Variants in IGF1R observed in about 807,000 individuals in gnomAD.
The protein encoded by IGF1R is insulin-like growth factor 1 receptor.
In IGF1R, 44 loss-of-function variants were observed where a neutral mutation model predicts 144.6. That is an observed-to-expected ratio of 0.30 (90% CI 0.24 to 0.39). The LOEUF is 0.39. Ranked by LOEUF, IGF1R falls within the 10% of genes least tolerant of loss-of-function variation. The pLI, the probability that IGF1R is intolerant of heterozygous loss-of-function variation, is 1.00. For missense variants in IGF1R, 1,355 were observed against 1,833.7 expected (o/e 0.74, Z 4.77); for synonymous variants, 795 against 722.8 (o/e 1.10, Z -1.60).
rs868562409 is a variant in IGF1R, at chr15:98,962,317, G to A, written c.*4875G>A. On this transcript the variant is annotated 3_prime_UTR_variant, in exon 21 of 21. Coordinates refer to ENST00000650285, the MANE Select transcript of IGF1R (RefSeq NM_000875.5). ...GTTATGCATTTCAAGTTTGGGGTTT[G>A]TTCTTTTCGTTAATGTTCCTCTGTG... 6 of 233,316 alleles carry A rather than the reference G, an allele frequency of 2.6e-5. No individual in the cohort carries two copies. Among genetic ancestry groups the A allele is most frequent in the Non-Finnish European group, 3.4e-5 (4 of 118,132 alleles). The allele number at this position is 233,316 out of a possible 1,614,324, so 14.5% of individuals were successfully genotyped here. A position where few individuals can be genotyped will look rare whatever the true frequency, so the allele number is the denominator to read the frequency against.
chr15:98,681,479 A>C (rs1221270584), intron 1 of IGF1R, among the ~76,000 whole-genome samples: 1 of 152,212 alleles, frequency 6.6e-6, no homozygotes. Flanking sequence ...TCCAAGGAGT[A>C]GTTCAAGGAT....
chr15:98,792,283 G>C (rs1225138224), intron 2 of IGF1R, among the ~76,000 whole-genome samples: 1 of 152,118 alleles, frequency 6.6e-6, no homozygotes, highest in East Asian at 1.9e-4. Context: ...ATTTATCTCA[G>C]CAAGAAGAGC....
At chr15:98,787,714 T>C (rs2056030821) in intron 2 of IGF1R, among the ~76,000 whole-genome samples, 2 of 152,352 alleles carry the variant, frequency 1.3e-5, no homozygotes, top group South Asian at 4.1e-4. Context: ...ACATTGGAAG[T>C]ACTTTGCAGA....
At chr15:98,822,715 A>G (rs1489954885) in intron 2 of IGF1R, among the ~76,000 whole-genome samples, 4 of 152,230 alleles carry the variant, frequency 2.6e-5, no homozygotes, top group Non-Finnish European at 5.9e-5. Context: ...AACTGACTGT[A>G]TGGAAGACAG....
chr15:98,854,480 T>C (rs1241629206), intron 2 of IGF1R, among the ~76,000 whole-genome samples: 1 of 152,170 alleles, frequency 6.6e-6, no homozygotes, highest in East Asian at 1.9e-4. Flanking sequence ...GTAAATCATC[T>C]CTCCCATTCT....
intron 18 of IGF1R, among the ~76,000 whole-genome samples, chr15:98,941,138 T>G (rs1011300856): frequency 1.3e-5 from 2 of 152,200 alleles, no homozygotes; most frequent in South Asian, 4.1e-4. Context: ...TTGGGCCAGG[T>G]GCCTTACATC....
At chr15:98,919,337 G>T (rs1388774158) in intron 10 of IGF1R, among the ~76,000 whole-genome samples, 1 of 152,182 alleles carries the variant, frequency 6.6e-6, no homozygotes, top group Admixed American at 6.5e-5. Flanking sequence ...AGCAGGCTGG[G>T]CGGGAAGTTT....
chr15:98,750,483 G>A (rs1466550588), intron 2 of IGF1R, among the ~76,000 whole-genome samples: 1 of 152,178 alleles, frequency 6.6e-6, no homozygotes, highest in Non-Finnish European at 1.5e-5. Context: ...TCTGAGCCTA[G>A]TATGGTATTC....
At chr15:98,786,474 G>A (rs1359297050) in intron 2 of IGF1R, among the ~76,000 whole-genome samples, 1 of 152,176 alleles carries the variant, frequency 6.6e-6, no homozygotes, top group Non-Finnish European at 1.5e-5. Flanking sequence ...CGAATGGCCA[G>A]GCCTCGGGTG....
rs759173869 is a variant in IGF1R, at chr15:98,833,617, T to A, written c.641-57708T>A. On this transcript the variant is annotated intron_variant, in intron 2 of 20. Coordinates refer to ENST00000650285, the MANE Select transcript of IGF1R (RefSeq NM_000875.5). ...GGGAATAGGGAGAAGGTATAACCTT[T>A]CCAAAACAATCTTTAAGGCAATTAT... 3.3e-5 allele frequency among the ~76,000 whole-genome samples: 5 copies of A among 152,180 alleles called. No individual in the cohort carries two copies. In the South Asian group the frequency reaches 1.0e-3, roughly 32 times the overall value.
chr15:98,837,779 C>G (rs2011113513), intron 2 of IGF1R, among the ~76,000 whole-genome samples: 1 of 152,214 alleles, frequency 6.6e-6, no homozygotes, highest in Non-Finnish European at 1.5e-5. Flanking sequence ...AAGACCTGCT[C>G]CTTCTCAAAC....
At chr15:98,850,683 G>A (rs770376479) in intron 2 of IGF1R, among the ~76,000 whole-genome samples, 5 of 152,136 alleles carry the variant, frequency 3.3e-5, no homozygotes, top group Admixed American at 6.5e-5. Context: ...AGCAGCATAC[G>A]TTACAAGTAA....
intron 1 of IGF1R, among the ~76,000 whole-genome samples, chr15:98,677,821 C>T (rs1337864626): frequency 6.6e-6 from 1 of 152,190 alleles, no homozygotes; most frequent in East Asian, 1.9e-4. Context: ...TTGCATGCAG[C>T]TGGCTAGAAG....
chr15:98,649,726 G>T (rs373584366), intron 1 of IGF1R, 51 bp downstream of exon 1: 116 of 1,393,916 alleles, frequency 8.3e-5, no homozygotes, highest in Non-Finnish European at 1.2e-4. Flanking sequence ...TTCCTCCGAG[G>T]GGCTGCGCCC....
intron 5 of IGF1R, among the ~76,000 whole-genome samples, chr15:98,904,815 C>T (rs982152595): frequency 6.6e-6 from 1 of 152,202 alleles, no homozygotes; most frequent in Non-Finnish European, 1.5e-5. Context: ...CTGGAGACCT[C>T]GGGTTCAGCT....
intron 4 of IGF1R, among the ~76,000 whole-genome samples, chr15:98,897,133 G>A (rs753340764): frequency 1.8e-4 from 27 of 152,164 alleles, no homozygotes; most frequent in Non-Finnish European, 3.2e-4. Context: ...TTCCTGTAAA[G>A]AGGGTCATCG....
chr15:98,729,577 T>TTA (rs1555436832), intron 2 of IGF1R, among the ~76,000 whole-genome samples: 1 of 147,620 alleles, frequency 6.8e-6, no homozygotes. Flanking sequence ...TTTTTTTTTT[T>TTA]AAGTGAACCT....
At chr15:98,865,783 G>A (rs2012406856) in intron 2 of IGF1R, among the ~76,000 whole-genome samples, 1 of 152,226 alleles carries the variant, frequency 6.6e-6, no homozygotes, top group Non-Finnish European at 1.5e-5. Context: ...GCTGGGAAGT[G>A]GAGGGCTCAG....
intron 1 of IGF1R, among the ~76,000 whole-genome samples, chr15:98,676,338 A>G (rs1296762452): frequency 6.6e-6 from 1 of 151,824 alleles, no homozygotes; most frequent in East Asian, 1.9e-4. Context: ...GGGTTTCACT[A>G]TGTTGGCCAG....
Sources: allele counts gnomAD v4.1 joint callset (sites outside exome capture counted in the v4.1 genomes callset), GRCh38; gene constraint gnomAD v4.1.1; transcripts MANE v1.5; gene names NCBI Gene and HGNC (gene_info 2026-07-23, HGNC 2026-07-21).